SLC4A8: variants seen among roughly 807,000 people sequenced by gnomAD.
SLC4A8 encodes electroneutral sodium bicarbonate exchanger 1.
Under a neutral mutation model 125.0 loss-of-function variants are expected in SLC4A8, and 40 were observed. The observed-to-expected ratio is 0.32, with a 90% CI of 0.25 to 0.42. The LOEUF (loss-of-function observed/expected upper bound fraction) is 0.42. Among genes scored for constraint, SLC4A8 ranks in the 10% least tolerant of loss-of-function variants. SLC4A8 has a pLI of 1.00. For synonymous variants in SLC4A8, 456 were observed against 476.0 expected (o/e 0.96, Z 0.55); for missense variants, 863 against 1,355.1 (o/e 0.64, Z 5.70).
At chr12:51,397,646 T>G (rs972683742) in intron 1 of SLC4A8, among the ~76,000 whole-genome samples, 1 of 152,050 alleles carries the variant, frequency 6.6e-6, no homozygotes, top group African/African-American at 2.4e-5. Flanking sequence ...ATGTTGCTAT[T>G]TTGGTATGAT....
chr12:51,396,351 G>A (rs1948261426), intron 1 of SLC4A8, among the ~76,000 whole-genome samples: 1 of 152,142 alleles, frequency 6.6e-6, no homozygotes, highest in Non-Finnish European at 1.5e-5. Context: ...GTTTGTCAGG[G>A]GAGCCTGATG....
intron 2 of SLC4A8, chr12:51,441,097 G>A (rs1949579473): frequency 8.7e-6 from 9 of 1,035,594 alleles, no homozygotes; most frequent in Non-Finnish European, 1.0e-5. Flanking sequence ...AGTTCAGTGC[G>A]TTAATTCTTG....
chr12:51,470,902 G>C (rs916830398), intron 13 of SLC4A8, among the ~76,000 whole-genome samples: 5 of 151,702 alleles, frequency 3.3e-5, no homozygotes, highest in African/African-American at 4.8e-5. Flanking sequence ...TGATAGTGGG[G>C]CACAAGAGTG....
chr12:51,488,150 C>A (rs1226454800), intron 17 of SLC4A8, among the ~76,000 whole-genome samples: 3 of 152,190 alleles, frequency 2.0e-5, no homozygotes, highest in Non-Finnish European at 4.4e-5. Flanking sequence ...GGAACTATTA[C>A]TGAGCAAAAG....
chr12:51,507,653 G>A lies in SLC4A8; in HGVS notation c.*215G>A. ...CAGCAGCCAGTCACCAGATGTGAAT[G>A]TGGAAGCAGAAGACCACCTCCTGTT... On this transcript the variant is annotated 3_prime_UTR_variant, in exon 25 of 25. Transcript: ENST00000453097. 2 of 415,072 alleles carry A rather than the reference G, an allele frequency of 4.8e-6. No homozygotes were observed. The highest frequency in any genetic ancestry group is 4.4e-6 in the Non-Finnish European group (1 of 229,692). The allele number at this position is 415,072 out of a possible 1,614,324, so 25.7% of individuals were successfully genotyped here.
intron 1 of SLC4A8, among the ~76,000 whole-genome samples, chr12:51,417,764 C>T (rs1345991394): frequency 6.6e-6 from 1 of 152,214 alleles, no homozygotes; most frequent in South Asian, 2.1e-4. Context: ...GATCTGCCCA[C>T]CTCAGCCTCC....
At chr12:51,432,267 C>T (rs540332842) in intron 1 of SLC4A8, among the ~76,000 whole-genome samples, 18 of 151,208 alleles carry the variant, frequency 1.2e-4, no homozygotes, top group South Asian at 1.0e-3. Flanking sequence ...AAAAATTAGC[C>T]GGGTGTGGTG....
intron 1 of SLC4A8, among the ~76,000 whole-genome samples, chr12:51,394,814 T>C (rs1164675116): frequency 6.6e-6 from 1 of 152,284 alleles, no homozygotes; most frequent in Admixed American, 6.5e-5. Flanking sequence ...GTAACAAACC[T>C]GGACATGTAC....
Position 51,460,068 on chromosome 12 carries a change from G to A in SLC4A8, c.973G>A (p.Val325Ile). 3 of 1,613,906 alleles carry A rather than the reference G, an allele frequency of 1.9e-6. No individual in the cohort carries two copies. In the South Asian group the frequency reaches 3.3e-5, roughly 18 times the overall value. ...TGCCTTTGTGAGGCTGTCTCCAGCTGTTCTTCTCTCAGGCCTAACAGAAGT... is the reference window on the plus strand; with the variant it reads ...TGCCTTTGTGAGGCTGTCTCCAGCTATTCTTCTCTCAGGCCTAACAGAAGT... The part of the protein sequence containing the change: ...IVAFVRLSPA[V>I]LLSGLTEVPI... The change falls in exon 8 of 25, where the codon GTT (valine) becomes ATT (isoleucine). Residue 325 changes from valine to isoleucine, a missense_variant. This residue lies in a region of SLC4A8 where 390 missense variants were observed against 634.4 expected (regional missense o/e 0.61). Coordinates refer to ENST00000453097, the MANE Select transcript of SLC4A8 (RefSeq NM_001039960.3).
chr12:51,450,847 C>T (rs1445246306), intron 2 of SLC4A8, 29 bp from the exon 3 acceptor site: 3 of 1,612,068 alleles, frequency 1.9e-6, no homozygotes, highest in Admixed American at 1.7e-5. Context: ...TAAAGGAGTT[C>T]TCTCCACAGA....
Position 51,463,638 on chromosome 12 carries a change from C to A in SLC4A8, c.1273C>A (p.Pro425Thr). 1 of 1,613,912 alleles carries A rather than the reference C, an allele frequency of 6.2e-7. No homozygotes were observed. The highest frequency in any genetic ancestry group is 1.7e-5 in the Admixed American group (1 of 60,016). The change falls in exon 11 of 25, where the codon CCA becomes ACA. Residue 425 changes from proline (P) to threonine (T), a missense_variant. Physicochemically the swap from Pro to Thr is conservative, Grantham distance 38. Coordinates refer to ENST00000453097, the MANE Select transcript of SLC4A8 (RefSeq NM_001039960.3). ...SQEKRKMPGV[P>T]NGNVCHIEQE... The stretch of plus-strand genomic sequence containing the variant: ...GGAGAAAAGGAAAATGCCTGGAGTT[C>A]CAAATGGAAATGTTTGCCACATAGA...
chr12:51,401,305 C>T (rs755926448), intron 1 of SLC4A8, among the ~76,000 whole-genome samples: 18 of 152,036 alleles, frequency 1.2e-4, no homozygotes, highest in Non-Finnish European at 2.5e-4. Context: ...CTTGGTGTAC[C>T]GGAAAAATCA....
At position 51,462,321 on chromosome 12, in the gene SLC4A8, C is replaced by T. The variant is rs147321818; in HGVS notation, c.1113C>T (p.Asp371=). The change falls in exon 10 of 25, where the codon GAC becomes GAT. Residue 371 remains aspartate (D), a synonymous_variant. Coordinates refer to ENST00000453097, the MANE Select transcript of SLC4A8 (RefSeq NM_001039960.3). ...ATIMTDEIFH[D]VAYKAKERDD... ...TCTCTTCTCTGTAGATTTTTCATGA[C>T]GTAGCATATAAGGCAAAAGAGCGAG... 671 of 1,613,808 alleles carry T rather than the reference C, an allele frequency of 4.2e-4. 2 individuals carry two copies. The highest frequency in any genetic ancestry group is 2.1e-3 in the Admixed American group (125 of 60,000).
At chr12:51,430,117 G>T (rs1949139407) in intron 1 of SLC4A8, among the ~76,000 whole-genome samples, 1 of 152,084 alleles carries the variant, frequency 6.6e-6, no homozygotes, top group African/African-American at 2.4e-5. Flanking sequence ...ATGTGGATCA[G>T]GCCTGCTCAG....
intron 14 of SLC4A8, among the ~76,000 whole-genome samples, chr12:51,473,865 G>A (rs1239436812): frequency 1.3e-5 from 2 of 152,302 alleles, no homozygotes; most frequent in Admixed American, 1.3e-4. Flanking sequence ...ACGATTCCAG[G>A]AGACTCTGAC....
At chr12:51,395,874 T>A (rs1370970446) in intron 1 of SLC4A8, among the ~76,000 whole-genome samples, 1 of 152,196 alleles carries the variant, frequency 6.6e-6, no homozygotes, top group African/African-American at 2.4e-5. Context: ...CACATGAAAG[T>A]GTGAGAGTTG....
chr12:51,468,060 CT>C (rs562030722), intron 11 of SLC4A8, among the ~76,000 whole-genome samples: 86 of 152,252 alleles, frequency 5.6e-4, no homozygotes, highest in Middle Eastern at 3.4e-3. Flanking sequence ...GTCCCTTTTC[CT>C]TTTTTTCTAT....
At chr12:51,463,076 G>A (rs2359799) in intron 10 of SLC4A8, among the ~76,000 whole-genome samples, 60,912 of 151,612 alleles carry the variant, frequency 0.4, 12,665 homozygotes, top group Middle Eastern at 0.45. Context: ...AAAGCAAGTT[G>A]TATAGAGAGA....
chr12:51,411,820 C>T (rs760941506), intron 1 of SLC4A8, among the ~76,000 whole-genome samples: 1 of 152,100 alleles, frequency 6.6e-6, no homozygotes, highest in Non-Finnish European at 1.5e-5. Flanking sequence ...CATGGTGGCT[C>T]ATTCCTGTAA....
Sources: allele counts gnomAD v4.1 joint callset (sites outside exome capture counted in the v4.1 genomes callset), GRCh38; gene constraint gnomAD v4.1.1; regional missense constraint gnomAD v4.1.1; transcripts MANE v1.5; gene names NCBI Gene and HGNC (gene_info 2026-07-23, HGNC 2026-07-21).